Variants in MOXD1 observed in about 807,000 individuals in gnomAD.
MOXD1 encodes the protein DBH-like monooxygenase protein 1.
Under a neutral mutation model 66.6 loss-of-function variants are expected in MOXD1, and 62 were observed. The observed-to-expected ratio is 0.93, with a 90% CI of 0.76 to 1.15. The LOEUF is 1.15. MOXD1 is among the 50% of genes most tolerant of loss of function. MOXD1 has a pLI of 0.00. For synonymous variants in MOXD1, 303 were observed against 281.9 expected, an observed-to-expected ratio of 1.07 and a Z score of -0.75; for missense variants, 847 against 754.6, an observed-to-expected ratio of 1.12 and a Z score of -1.44.
chr6:132,392,833 CGG>C (rs1776795745), intron 1 of MOXD1, among the ~76,000 whole-genome samples: 1 of 152,162 alleles, frequency 6.6e-6, no homozygotes, highest in Admixed American at 6.5e-5. Flanking sequence ...ATCCTCTTTG[CGG>C]AAATATCTCC....
chr6:132,379,087 A>T (rs1178593223), intron 1 of MOXD1, among the ~76,000 whole-genome samples: 1 of 151,238 alleles, frequency 6.6e-6, no homozygotes, highest in African/African-American at 2.4e-5. Flanking sequence ...ACACACCATC[A>T]ACACTCATGG....
intron 10 of MOXD1, among the ~76,000 whole-genome samples, chr6:132,305,415 C>A (rs2114534995): frequency 6.6e-6 from 1 of 152,378 alleles, no homozygotes; most frequent in Non-Finnish European, 1.5e-5. Flanking sequence ...CTCTGTGGAC[C>A]AGCAGGCTTC....
At chr6:132,328,387 G>A in intron 5 of MOXD1, 28 bp downstream of exon 5, 1 of 1,609,906 alleles carries the variant, frequency 6.2e-7, no homozygotes. Flanking sequence ...AGTTAATTGT[G>A]TTACATCTCA....
At chr6:132,317,509 G>A (rs1774985107) in intron 9 of MOXD1, among the ~76,000 whole-genome samples, 1 of 152,072 alleles carries the variant, frequency 6.6e-6, no homozygotes, top group Non-Finnish European at 1.5e-5. Context: ...ACTGTAGGGA[G>A]TAAAATTTTA....
chr6:132,297,787 C>T lies in MOXD1; in HGVS notation c.1677G>A (p.Ser559=), dbSNP rs771100243. The T allele has an allele frequency of 5.1e-5, 81 of 1,590,906 alleles. No homozygotes were observed. Among genetic ancestry groups the T allele is most frequent in the South Asian group, 1.2e-4 (10 of 86,490 alleles). The change falls in exon 11 of 12, where the codon TCG becomes TCA. Residue 559 remains serine (S), a splice_region_variant and synonymous_variant. Transcript: ENST00000367963. ...RCSKTDNAEW[S]IQGMTALPPD... ...TTGTCAGAGGTTAAAAAGAGCTTAC[C>T]GACCACTCAGCATTGTCTGTCTTGG...
chr6:132,386,079 GGC>G (rs1776628186), intron 1 of MOXD1, among the ~76,000 whole-genome samples: 2 of 140,724 alleles, frequency 1.4e-5, no homozygotes, highest in Admixed American at 7.4e-5. Context: ...CTCCAGCCTG[GGC>G]GACAGGGCAA....
In MOXD1 at chr6:132,351,704, T is replaced by C. The variant is rs149198251; in HGVS notation, c.663+20904A>G. Reference sequence around the variant, plus strand: ...CCTTTCTCTATCTTGTGGAATAATGTCAAAAAGATTGGTACCAATTCTTCT... The same window carrying C: ...CCTTTCTCTATCTTGTGGAATAATGCCAAAAAGATTGGTACCAATTCTTCT... On this transcript the variant is annotated intron_variant, in intron 4 of 11. Transcript: ENST00000367963. Among the ~76,000 whole-genome samples, 884 of 152,274 alleles carry C rather than the reference T, an allele frequency of 5.8e-3. 5 individuals carry two copies. The highest frequency in any genetic ancestry group is 0.02 in the African/African-American group (830 of 41,566).
intron 1 of MOXD1, among the ~76,000 whole-genome samples, chr6:132,381,622 G>GA (rs1054882067): frequency 2.0e-5 from 3 of 151,982 alleles, no homozygotes; most frequent in South Asian, 2.1e-4. Flanking sequence ...TGGTTAAACT[G>GA]AAAAAAAGTG....
At chr6:132,370,270 G>A (rs1262075196) in intron 4 of MOXD1, among the ~76,000 whole-genome samples, 1 of 151,980 alleles carries the variant, frequency 6.6e-6, no homozygotes, top group Non-Finnish European at 1.5e-5. Flanking sequence ...CTAGAAAAAA[G>A]AGCATGGAAA....
At chr6:132,357,339 C>T (rs1486800196) in intron 4 of MOXD1, among the ~76,000 whole-genome samples, 1 of 151,874 alleles carries the variant, frequency 6.6e-6, no homozygotes, top group East Asian at 1.9e-4. Flanking sequence ...TCCTGTTTAC[C>T]ACTGAAAAAA....
chr6:132,359,540 G>A (rs947931822), intron 4 of MOXD1, among the ~76,000 whole-genome samples: 1 of 143,956 alleles, frequency 6.9e-6, no homozygotes, highest in Non-Finnish European at 1.5e-5. Context: ...AGGCTGGAGT[G>A]CAGTGGCGCG....
rs1053952346 is a variant in MOXD1, at chr6:132,401,367, G to C, written c.60C>G (p.Gly20=). 6 of 1,546,204 alleles carry C rather than the reference G, an allele frequency of 3.9e-6. No individual in the cohort carries two copies. In the Admixed American group the frequency reaches 5.7e-5, roughly 15 times the overall value. ...WGLLPGTAAG[G]SGRTYPHRTL... ...TCCGGTGCGGATAGGTTCGGCCCGA[G>C]CCCCCCGCCGCCGTCCCGGGGAGCA... Residue 20 remains glycine, a synonymous_variant, in exon 1 of 12, where the codon GGC becomes GGG. Coordinates refer to ENST00000367963, the MANE Select transcript of MOXD1 (RefSeq NM_015529.4).
intron 1 of MOXD1, 86 bp from the exon 2 acceptor site, chr6:132,374,863 T>G: frequency 7.7e-7 from 1 of 1,293,136 alleles, no homozygotes; most frequent in East Asian, 2.5e-5. Context: ...AAAGTCTTGT[T>G]GTCTAGAGTT....
chr6:132,324,212 T>C (rs1297601166), intron 6 of MOXD1, 115 bp from the exon 7 acceptor site: 2 of 1,060,706 alleles, frequency 1.9e-6, no homozygotes, highest in Non-Finnish European at 2.8e-6. Context: ...AATAGGTTTA[T>C]TTATTTTCCA....
At chr6:132,310,526 A>C (rs1286074938) in intron 10 of MOXD1, among the ~76,000 whole-genome samples, 1 of 152,206 alleles carries the variant, frequency 6.6e-6, no homozygotes, top group Non-Finnish European at 1.5e-5. Context: ...AAATCATTCT[A>C]CTATAAAGAC....
In MOXD1 at chr6:132,401,367, G is replaced by T. The variant is rs1053952346; in HGVS notation, c.60C>A (p.Gly20=). 1.7e-5 allele frequency: 26 copies of T among 1,546,090 alleles called. No individual in the cohort carries two copies. Among genetic ancestry groups the T allele is most frequent in the Non-Finnish European group, 2.0e-5 (23 of 1,152,256 alleles). The change falls in exon 1 of 12, where the codon GGC becomes GGA. Residue 20 remains glycine, a synonymous_variant. Coordinates refer to ENST00000367963, the MANE Select transcript of MOXD1 (RefSeq NM_015529.4). ...TCCGGTGCGGATAGGTTCGGCCCGA[G>T]CCCCCCGCCGCCGTCCCGGGGAGCA... ...WGLLPGTAAG[G]SGRTYPHRTL...
Position 132,377,172 on chromosome 6 carries a change from T to C in MOXD1, c.265-2395A>G, listed in dbSNP as rs543267415. 7.9e-5 allele frequency among the ~76,000 whole-genome samples: 12 copies of C among 152,350 alleles called. No homozygotes were observed. In the South Asian group the frequency reaches 1.9e-3, roughly 24 times the overall value. On this transcript the variant is annotated intron_variant, in intron 1 of 11. Transcript: ENST00000367963. ...ACTTTTCTTCTGCCAAAGTTGAGGT[T>C]TGTCAAAATTCTTATTTTGAGAACT...
chr6:132,310,954 T>C (rs1182923517), intron 10 of MOXD1, among the ~76,000 whole-genome samples: 1 of 152,058 alleles, frequency 6.6e-6, no homozygotes, highest in Non-Finnish European at 1.5e-5. Context: ...TGCACATGTA[T>C]CCCGTTTTTT....
chr6:132,314,289 T>C (rs765125417), intron 10 of MOXD1, among the ~76,000 whole-genome samples: 1 of 152,194 alleles, frequency 6.6e-6, no homozygotes, highest in Non-Finnish European at 1.5e-5. Flanking sequence ...ATGGAATGTG[T>C]CTCATCAACT....
Sources: allele counts gnomAD v4.1 joint callset (sites outside exome capture counted in the v4.1 genomes callset), GRCh38; gene constraint gnomAD v4.1.1; transcripts MANE v1.5; gene names NCBI Gene and HGNC (gene_info 2026-07-23, HGNC 2026-07-21).